Variants in XRN1 observed in about 807,000 individuals in gnomAD.
XRN1 encodes 5'-3' exoribonuclease 1, also known as strand-exchange protein 1 homolog.
Under a neutral mutation model 222.3 loss-of-function variants are expected in XRN1, and 67 were observed. The observed-to-expected ratio is 0.30, with a 90% CI of 0.25 to 0.37. The LOEUF is 0.37. Ranked by LOEUF, XRN1 falls within the 10% of genes least tolerant of loss-of-function variation. The pLI is 1.00. For synonymous variants in XRN1, 643 were observed against 652.4 expected (o/e 0.99, Z 0.22); for missense variants, 1,707 against 2,000.2 (o/e 0.85, Z 2.80).
chr3:142,306,791 C>T lies in XRN1; in HGVS notation c.*4720G>A, dbSNP rs2064975332. The T allele has an allele frequency of 6.6e-6, 1 of 152,552 alleles. No homozygotes were observed. The highest frequency in any genetic ancestry group is 1.5e-5 in the Non-Finnish European group (1 of 68,038). 9.4% of individuals were successfully genotyped at this position (152,552 alleles called of 1,614,324 possible). Reference sequence around the variant, plus strand: ...AATACATTCGGAGTCCATTCCAATGCAAGTTTAAAACACTTTAATTGGCAG... The same window carrying T: ...AATACATTCGGAGTCCATTCCAATGTAAGTTTAAAACACTTTAATTGGCAG... On this transcript the variant is annotated 3_prime_UTR_variant, in exon 41 of 41. Coordinates refer to ENST00000392981, the MANE Select transcript of XRN1 (RefSeq NM_001282857.2).
chr3:142,394,109 G>A (rs958878979), intron 20 of XRN1, among the ~76,000 whole-genome samples: 4 of 152,130 alleles, frequency 2.6e-5, no homozygotes, highest in African/African-American at 9.7e-5. Context: ...TTACAGTCAT[G>A]AGCCACCGTG....
At chr3:142,361,169 C>T (rs73867027) in intron 29 of XRN1, among the ~76,000 whole-genome samples, 4,974 of 152,242 alleles carry the variant, frequency 0.033, 252 homozygotes, top group African/African-American at 0.11. Flanking sequence ...CTGGCTTCTT[C>T]GAGCATAATT....
At chr3:142,442,871 C>T (rs1356893832) in intron 1 of XRN1, among the ~76,000 whole-genome samples, 1 of 151,672 alleles carries the variant, frequency 6.6e-6, no homozygotes. Flanking sequence ...GTAGCTGGGA[C>T]TACGGGCGCC....
At chr3:142,358,537 C>T (rs1327584569) in intron 30 of XRN1, among the ~76,000 whole-genome samples, 5 of 152,096 alleles carry the variant, frequency 3.3e-5, no homozygotes, top group Admixed American at 2.6e-4. Context: ...ACACTGCAGG[C>T]AGGTAATCTT....
At chr3:142,425,391 A>T in intron 4 of XRN1, 38 bp downstream of exon 4, 4 of 1,576,730 alleles carry the variant, frequency 2.5e-6, no homozygotes, top group Non-Finnish European at 3.4e-6. Context: ...AATATTAAAT[A>T]CTTTTTTTAA....
chr3:142,355,575 C>G (rs1170876856), intron 31 of XRN1, 79 bp from the exon 32 acceptor site: 1 of 970,926 alleles, frequency 1.0e-6, no homozygotes, highest in Non-Finnish European at 1.5e-6. Context: ...AATAATTCAT[C>G]TATTAATGTT....
At chr3:142,423,720 A>C (rs1017171820) in intron 5 of XRN1, 78 bp from the exon 6 acceptor site, 1 of 1,064,856 alleles carries the variant, frequency 9.4e-7, no homozygotes, top group African/African-American at 1.6e-5. Flanking sequence ...ATTAAAAAAC[A>C]ATTCTATACA....
chr3:142,404,865 G>C, intron 16 of XRN1, 42 bp downstream of exon 16: 1 of 1,601,924 alleles, frequency 6.2e-7, no homozygotes, highest in Non-Finnish European at 8.5e-7. Flanking sequence ...CCTTGTGTTA[G>C]GAGCGCTCTT....
chr3:142,359,801 G>A (rs1032159912), intron 30 of XRN1, 61 bp downstream of exon 30: 6 of 1,283,610 alleles, frequency 4.7e-6, no homozygotes, highest in South Asian at 3.9e-5. Context: ...AAAAAGTAAT[G>A]TAAAGTCACT....
At chr3:142,350,920 T>A (rs932417249) in intron 32 of XRN1, among the ~76,000 whole-genome samples, 2 of 152,062 alleles carry the variant, frequency 1.3e-5, no homozygotes, top group African/African-American at 4.8e-5. Context: ...AGTACCCAAG[T>A]GGAGACATAG....
intron 10 of XRN1, among the ~76,000 whole-genome samples, chr3:142,419,537 C>T (rs1243376242): frequency 4.6e-5 from 7 of 152,130 alleles, no homozygotes; most frequent in African/African-American, 1.7e-4. Flanking sequence ...TGGCCGGGCA[C>T]GGTGGCTCAC....
At chr3:142,422,549 A>C (rs2069080031) in intron 8 of XRN1, 33 bp downstream of exon 8, 1 of 1,593,618 alleles carries the variant, frequency 6.3e-7, no homozygotes, top group East Asian at 2.2e-5. Flanking sequence ...ACTAAATTAA[A>C]GTATCCTCGA....
At chr3:142,374,381 T>C (rs540631160) in intron 25 of XRN1, among the ~76,000 whole-genome samples, 7 of 152,190 alleles carry the variant, frequency 4.6e-5, no homozygotes, top group Admixed American at 6.5e-5. Flanking sequence ...TGTCTGACCA[T>C]AGTGTAAACA....
intron 2 of XRN1, among the ~76,000 whole-genome samples, chr3:142,431,902 T>A (rs1325643402): frequency 2.9e-4 from 13 of 45,038 alleles, no homozygotes; most frequent in African/African-American, 1.3e-3. Flanking sequence ...AATATATATA[T>A]TATATATATA....
In XRN1 at chr3:142,399,145, A is replaced by G. The variant is rs111600916; in HGVS notation, c.2207+1299T>C. 5.1e-3 allele frequency among the ~76,000 whole-genome samples: 775 copies of G among 152,070 alleles called. 9 individuals are homozygous for G. Among genetic ancestry groups the G allele is most frequent in the African/African-American group, 0.018 (753 of 41,530 alleles). On this transcript the variant is annotated intron_variant, in intron 19 of 40. Coordinates refer to ENST00000392981, the MANE Select transcript of XRN1 (RefSeq NM_001282857.2). ...TTGATCTATAGGTTTAATACAATTC[A>G]TATAAAAATCCCTCCAAGATTTTTT...
chr3:142,431,906 A>AT (rs1169044624), intron 2 of XRN1, among the ~76,000 whole-genome samples: 6 of 36,888 alleles, frequency 1.6e-4, no homozygotes, highest in South Asian at 4.9e-4. Flanking sequence ...TATATATTAT[A>AT]TATATAAATA....
At chr3:142,426,465 TA>T (rs1405984917) in intron 3 of XRN1, 1 of 321,340 alleles carries the variant, frequency 3.1e-6, no homozygotes, top group Admixed American at 4.6e-5. Context: ...GAAAGATATA[TA>T]AACATAAGTT....
rs974192102 is a variant in XRN1 at position 142,308,990 on chromosome 3, T to A, written c.*2521A>T. 1 of 152,186 alleles carries A rather than the reference T, an allele frequency of 6.6e-6. No individual in the cohort carries two copies. The highest frequency in any genetic ancestry group is 2.4e-5 in the African/African-American group (1 of 41,454). 9.4% of individuals were successfully genotyped at this position (152,186 alleles called of 1,614,324 possible). ...AGATATACTCTAAATTCCAGGTCTA[T>A]CAACAGATTGTTTCCTCAACATGGG... On this transcript the variant is annotated 3_prime_UTR_variant, in exon 41 of 41. Transcript: ENST00000392981.
chr3:142,408,337 CTT>C (rs150601185), intron 15 of XRN1, among the ~76,000 whole-genome samples: 1 of 152,128 alleles, frequency 6.6e-6, no homozygotes, highest in African/African-American at 2.4e-5. Flanking sequence ...TTTTATTACC[CTT>C]TGTGGGGGTG....
Sources: gnomAD v4.1 joint callset for allele counts (sites outside exome capture counted in the v4.1 genomes callset) on GRCh38, gnomAD v4.1.1 for gene constraint, MANE v1.5 for transcripts, NCBI Gene and HGNC (gene_info 2026-07-23, HGNC 2026-07-21) for gene names.